The following GOLGA2 variants were observed in gnomAD, a reference collection of about 807,000 sequenced individuals.
GOLGA2 encodes golgin subfamily A member 2.
Under a neutral mutation model 148.8 loss-of-function variants are expected in GOLGA2, and 49 were observed. The observed-to-expected ratio is 0.33, with a 90% CI of 0.26 to 0.42. The LOEUF is 0.42. GOLGA2 is among the 10% of genes least tolerant of loss of function. GOLGA2 has a pLI of 1.00. For synonymous variants in GOLGA2, 501 were observed against 511.8 expected, an observed-to-expected ratio of 0.98 and a Z score of 0.28; for missense variants, 1,178 against 1,304.6, an observed-to-expected ratio of 0.90 and a Z score of 1.49.
chr9:128,265,453 C>G (rs542899608), intron 12 of GOLGA2, 132 bp downstream of exon 12: 1 of 775,008 alleles, frequency 1.3e-6, no homozygotes, highest in Non-Finnish European at 2.3e-6. Context: ...AGCAACCACA[C>G]ACAAAAGCAG....
rs770450224 is a variant in GOLGA2 at position 128,260,133 on chromosome 9, C to A, written c.1815G>T (p.Arg605Ser). 8.7e-6 allele frequency: 14 copies of A among 1,611,084 alleles called. No individual in the cohort carries two copies. ...GCTCGCCCAGCTTCTTTCCCAGCTC[C>A]CTCTTGACGTGCTGCTCCGACTGCA... is the stretch of plus-strand genomic sequence containing the variant. ...SALQSEQHVK[R>S]ELGKKLGELQ... Residue 605 changes from arginine to serine, a missense_variant, in exon 19 of 27, where the codon AGG becomes AGT. Physicochemically the swap from Arg to Ser is moderately radical, Grantham distance 110 (BLOSUM62 -1). Transcript: ENST00000611957. This position sits in a 1 kb window ranked among gnomAD's most constrained non-coding sequence, Gnocchi z 4.8.
rs1373583453 is a variant in GOLGA2 at position 128,272,809 on chromosome 9, C to G, written c.264G>C (p.Ala88=). ...VSDLNRSNGV[A]LPPLDKWKTP... ...CCTTCCACTTGTCCAATGGGGGGAGCGCTACCCCATTGGAACGGTTAAGGT... is the reference window on the plus strand; with the variant it reads ...CCTTCCACTTGTCCAATGGGGGGAGGGCTACCCCATTGGAACGGTTAAGGT... Residue 88 remains alanine, a synonymous_variant, in exon 3 of 27, where the codon GCG becomes GCC. Transcript: ENST00000611957. 7.9e-7 allele frequency: 1 copy of G among 1,272,724 alleles called. No individual in the cohort carries two copies. Among genetic ancestry groups the G allele is most frequent in the Middle Eastern group, 3.0e-4 (1 of 3,344 alleles). 78.8% of individuals were successfully genotyped at this position (1,272,724 alleles called of 1,614,324 possible). A position where few individuals can be genotyped will look rare whatever the true frequency, so the allele number is the denominator to read the frequency against.
chr9:128,266,119 C>G lies in GOLGA2; in HGVS notation c.682-99G>C. On this transcript the variant is annotated intron_variant, in intron 9 of 26. Coordinates refer to ENST00000611957, the MANE Select transcript of GOLGA2 (RefSeq NM_001366244.2). This position sits in a 1 kb window ranked among gnomAD's most constrained non-coding sequence, Gnocchi z 4.2. The stretch of plus-strand genomic sequence containing the variant: ...TGCCACCAATGTCCCAGGACAGGCC[C>G]ACCCATGGGACCAGGTTATCAGGGA... 1 of 1,387,658 alleles carries G rather than the reference C, an allele frequency of 7.2e-7. No homozygotes were observed. The highest frequency in any genetic ancestry group is 1.2e-5 in the South Asian group (1 of 86,576). 86.0% of individuals were successfully genotyped at this position (1,387,658 alleles called of 1,614,324 possible).
Position 128,267,531 on chromosome 9 carries a change from G to T in GOLGA2, c.502-14C>A. 1 of 1,600,308 alleles carries T rather than the reference G, an allele frequency of 6.2e-7. No homozygotes were observed. Among genetic ancestry groups the T allele is most frequent in the Non-Finnish European group, 8.6e-7 (1 of 1,167,402 alleles). ...ACATGTCGCAGACTATAAGAGACGA[G>T]AGTGCACATGGAGATGTTCTGTCCC... is the stretch of plus-strand genomic sequence containing the variant. On this transcript the variant is annotated splice_polypyrimidine_tract_variant and intron_variant, in intron 6 of 26. Transcript: ENST00000611957.
rs762595427 is a variant in GOLGA2, at chr9:128,257,695, G to A, written c.2624C>T (p.Ala875Val). 1.1e-5 allele frequency: 17 copies of A among 1,613,864 alleles called. No individual in the cohort carries two copies. Among genetic ancestry groups the A allele is most frequent in the Non-Finnish European group, 7.6e-6 (9 of 1,179,872 alleles). Residue 875 changes from alanine (A) to valine (V), a missense_variant, in exon 25 of 27, where the codon GCA becomes GTA. Physicochemically the swap from Ala to Val is moderately conservative, Grantham distance 64. Coordinates refer to ENST00000611957, the MANE Select transcript of GOLGA2 (RefSeq NM_001366244.2). The surrounding 1 kb of genome is among the most constrained non-coding windows in gnomAD (Gnocchi z 8.0). ...GETDTIGEYI[A>V]LYQSQRAVLK... ...CACTGCCCTCTGGCTCTGGTACAGT[G>A]CAATGTACTCTCCTGCGGGAGGACA... is the stretch of plus-strand genomic sequence containing the variant.
rs1388223352 is a variant in GOLGA2, at chr9:128,257,838, C to G, written c.2563G>C (p.Glu855Gln). Residue 855 changes from glutamate (E) to glutamine (Q), a missense_variant, in exon 24 of 27, where the codon GAA (glutamate) becomes CAA (glutamine). By Grantham distance (29) the Glu-to-Gln change is conservative (BLOSUM62 2). Coordinates refer to ENST00000611957, the MANE Select transcript of GOLGA2 (RefSeq NM_001366244.2). This position sits in a 1 kb window ranked among gnomAD's most constrained non-coding sequence, Gnocchi z 8.0. Reference protein sequence around the residue: ...EKADLKERVEELEHRCIQLSG... With the variant: ...EKADLKERVEQLEHRCIQLSG... ...AGCTGGATGCAGCGATGTTCCAGTTCCTCTACCCTCTCCTTCAGGTCTGCC... is the reference window on the plus strand; with the variant it reads ...AGCTGGATGCAGCGATGTTCCAGTTGCTCTACCCTCTCCTTCAGGTCTGCC... 4 of 1,614,158 alleles carry G rather than the reference C, an allele frequency of 2.5e-6. No individual in the cohort carries two copies. Among genetic ancestry groups the G allele is most frequent in the Non-Finnish European group, 3.4e-6 (4 of 1,180,024 alleles).
chr9:128,269,579 CCCCA>C (rs1830810543), intron 3 of GOLGA2, among the ~76,000 whole-genome samples: 1 of 152,172 alleles, frequency 6.6e-6, no homozygotes, highest in Non-Finnish European at 1.5e-5. Context: ...TTGATCAGAG[CCCCA>C]CCCAGCCTCT....
intron 3 of GOLGA2, among the ~76,000 whole-genome samples, chr9:128,269,987 G>C (rs1830834307): frequency 6.6e-6 from 1 of 152,122 alleles, no homozygotes; most frequent in African/African-American, 2.4e-5. Context: ...TCAGAGCAAG[G>C]GTTCAGTTGC....
chr9:128,273,925 C>T lies in GOLGA2; in HGVS notation c.132G>A (p.Ala44=), dbSNP rs749550396. Residue 44 remains alanine (A), a synonymous_variant, in exon 2 of 27, where the codon GCG becomes GCA. Coordinates refer to ENST00000611957, the MANE Select transcript of GOLGA2 (RefSeq NM_001366244.2). ...QRNSPGVPTG[A]KKKKKIKNGS... ...CATTTTTTATTTTCTTCTTCTTTTT[C>T]GCTCCTGTAGGAACACCAGGGCTAT... 9.9e-6 allele frequency: 16 copies of T among 1,613,326 alleles called. No homozygotes were observed. The highest frequency in any genetic ancestry group is 1.2e-5 in the Non-Finnish European group (14 of 1,179,448).
Position 128,266,570 on chromosome 9 carries a change from A to G in GOLGA2, c.643-245T>C. The G allele has an allele frequency of 5.1e-6, 3 of 583,806 alleles. No homozygotes were observed. The highest frequency in any genetic ancestry group is 9.1e-6 in the Non-Finnish European group (3 of 328,844). The allele number at this position is 583,806 out of a possible 1,614,324, so 36.2% of individuals were successfully genotyped here. On this transcript the variant is annotated intron_variant, in intron 8 of 26. Coordinates refer to ENST00000611957, the MANE Select transcript of GOLGA2 (RefSeq NM_001366244.2). This position sits in a 1 kb window ranked among gnomAD's most constrained non-coding sequence, Gnocchi z 4.2. ...TCGATTCTCTTGAAAGGACAGTAAC[A>G]TAAACCTCTAGAGATGGAGTGTGAG...
chr9:128,262,340 AAAC>A (rs1266047434), intron 14 of GOLGA2, among the ~76,000 whole-genome samples: 1 of 152,158 alleles, frequency 6.6e-6, no homozygotes, highest in Non-Finnish European at 1.5e-5. Context: ...AAACAAAACA[AAAC>A]AAAACAAAAA....
rs766471494 is a variant in GOLGA2 at position 128,261,241 on chromosome 9, C to T, written c.1351G>A (p.Glu451Lys). The T allele has an allele frequency of 3.7e-6, 6 of 1,613,900 alleles. No individual in the cohort carries two copies. Among genetic ancestry groups the T allele is most frequent in the East Asian group, 4.5e-5 (2 of 44,878 alleles). ...ACCCGACTCATGCTACATTCCTTCT[C>T]CTCTCTCAATGTGTGCACCTGCCCA... Reference protein sequence around the residue: ...MSEQVHTLREEKECSMSRVQE... With the variant: ...MSEQVHTLREKKECSMSRVQE... Residue 451 changes from glutamate to lysine, a missense_variant, in exon 17 of 27, where the codon GAG becomes AAG. Coordinates refer to ENST00000611957, the MANE Select transcript of GOLGA2 (RefSeq NM_001366244.2). The surrounding 1 kb of genome is among the most constrained non-coding windows in gnomAD (Gnocchi z 5.7).
chr9:128,271,749 G>A lies in GOLGA2; in HGVS notation c.288+1036C>T, dbSNP rs955998067. On this transcript the variant is annotated intron_variant, in intron 3 of 26. Coordinates refer to ENST00000611957, the MANE Select transcript of GOLGA2 (RefSeq NM_001366244.2). This position sits in a 1 kb window ranked among gnomAD's most constrained non-coding sequence, Gnocchi z 4.4. The stretch of plus-strand genomic sequence containing the variant: ...TTGGAATGTTCCAAAATTCTCTCTT[G>A]CCTCCTTCAGAGGAGTCTGCCTCCC... Among the ~76,000 whole-genome samples, 1 of 152,116 alleles carries A rather than the reference G, an allele frequency of 6.6e-6. No homozygotes were observed. The highest frequency in any genetic ancestry group is 1.5e-5 in the Non-Finnish European group (1 of 68,044).
rs1830215020 is a variant in GOLGA2, at chr9:128,260,695, G to A, written c.1528C>T (p.Leu510Phe). 3.7e-6 allele frequency: 6 copies of A among 1,613,364 alleles called. 1 individual carries two copies. In the South Asian group the frequency reaches 5.5e-5, roughly 15 times the overall value. The change falls in exon 18 of 27, where the codon CTT becomes TTT. Residue 510 changes from leucine (L) to phenylalanine (F), a missense_variant. Physicochemically the swap from Leu to Phe is conservative, Grantham distance 22. Transcript: ENST00000611957. This position sits in a 1 kb window ranked among gnomAD's most constrained non-coding sequence, Gnocchi z 4.8. ...TCATTGTCTTGCACCTGGGCTTGAA[G>A]CTGTCCTGCCAGACCCTCCAGCTCC... ...RKELEGLAGQ[L>F]QAQVQDNEGL...
In GOLGA2 at chr9:128,256,700, A is replaced by C. The variant is rs1274573397; in HGVS notation, c.*367T>G. The C allele has an allele frequency of 2.5e-5, 4 of 157,682 alleles. No individual in the cohort carries two copies. The highest frequency in any genetic ancestry group is 4.2e-5 in the Non-Finnish European group (3 of 72,118). The allele number at this position is 157,682 out of a possible 1,614,324, so 9.8% of individuals were successfully genotyped here. A position where few individuals can be genotyped will look rare whatever the true frequency, so the allele number is the denominator to read the frequency against. ...TAATTTTTGTATTTTTAGTAGAGAC[A>C]CAGTTTCACCATGTTGACCAGGCTG... is the stretch of plus-strand genomic sequence containing the variant. On this transcript the variant is annotated 3_prime_UTR_variant, in exon 27 of 27. Transcript: ENST00000611957.
Position 128,266,314 on chromosome 9 carries a change from G to A in GOLGA2, c.654C>T (p.Asn218=). The A allele has an allele frequency of 1.2e-6, 2 of 1,613,262 alleles. No homozygotes were observed. Among genetic ancestry groups the A allele is most frequent in the Non-Finnish European group, 1.7e-6 (2 of 1,179,422 alleles). ...CTTCCAACTGATCCGTAATTTCTTG[G>A]TTCTGTTGTTTCTGTGGGGAAGAGT... The part of the protein sequence containing the change: ...NITIEKLKQQ[N]QEITDQLEEE... The change falls in exon 9 of 27, where the codon AAC becomes AAT. Residue 218 remains asparagine (N), a synonymous_variant. Transcript: ENST00000611957. This position sits in a 1 kb window ranked among gnomAD's most constrained non-coding sequence, Gnocchi z 4.2.
At chr9:128,268,611 C>T in intron 3 of GOLGA2, 87 bp from the exon 4 acceptor site, 1 of 713,528 alleles carries the variant, frequency 1.4e-6, no homozygotes, top group Non-Finnish European at 2.5e-6. Context: ...ACAGGTAGGA[C>T]AGGTGTTGCT....
Position 128,257,377 on chromosome 9 carries a change from T to G in GOLGA2, c.2867A>C (p.Gln956Pro). ...PAPQELGAAN[Q>P]QGDLCEVSLA... ...CCGAGGGCTCTACTCACCACCCTGCTGGTTGGCAGCCCCAAGTTCCTGGGG... is the reference window on the plus strand; with the variant it reads ...CCGAGGGCTCTACTCACCACCCTGCGGGTTGGCAGCCCCAAGTTCCTGGGG... Residue 956 changes from glutamine to proline, a missense_variant, in exon 26 of 27, where the codon CAG (glutamine) becomes CCG (proline). Gln to Pro is a moderately conservative substitution (Grantham distance 76, BLOSUM62 -1). This residue lies in a region of GOLGA2 where 149 missense variants were observed against 154.9 expected (regional missense o/e 0.96). Transcript: ENST00000611957. This position sits in a 1 kb window ranked among gnomAD's most constrained non-coding sequence, Gnocchi z 8.0. 6.2e-7 allele frequency: 1 copy of G among 1,613,064 alleles called. No homozygotes were observed. The highest frequency in any genetic ancestry group is 8.5e-7 in the Non-Finnish European group (1 of 1,179,994).
chr9:128,261,269 G>A lies in GOLGA2; in HGVS notation c.1333-10C>T, dbSNP rs78404478. 1.6e-3 allele frequency: 2,573 copies of A among 1,608,482 alleles called. 32 individuals carry two copies. In the African/African-American group the frequency reaches 0.028, roughly 17 times the overall value. On this transcript the variant is annotated splice_polypyrimidine_tract_variant and intron_variant, in intron 16 of 26. Transcript: ENST00000611957. The surrounding 1 kb of genome is among the most constrained non-coding windows in gnomAD (Gnocchi z 5.7). Reference sequence around the variant, plus strand: ...CTCTCAATGTGTGCACCTGCCCAAAGCACAGCAAGAAAGGGCCCTGGAGAG... The same window carrying A: ...CTCTCAATGTGTGCACCTGCCCAAAACACAGCAAGAAAGGGCCCTGGAGAG...
Sources: gnomAD v4.1 joint callset for allele counts (sites outside exome capture counted in the v4.1 genomes callset) on GRCh38, gnomAD v4.1.1 for gene constraint, gnomAD v4.1.1 regional missense constraint, Gnocchi (gnomAD v3.1) non-coding constraint, MANE v1.5 for transcripts, NCBI Gene and HGNC (gene_info 2026-07-23, HGNC 2026-07-21) for gene names.